KIRREL1: variants seen among roughly 807,000 people sequenced by gnomAD.
The protein encoded by KIRREL1 is kirre like nephrin family adhesion molecule 1.
Under a neutral mutation model 83.3 loss-of-function variants are expected in KIRREL1, and 25 were observed. That is an observed-to-expected ratio of 0.30 (90% CI 0.22 to 0.42). The LOEUF (loss-of-function observed/expected upper bound fraction) is 0.42. Among genes scored for constraint, KIRREL1 ranks in the 10% least tolerant of loss-of-function variants. The probability of loss-of-function intolerance (pLI) is 1.00; values close to 1 mark genes in which losing one functional copy is unlikely to be tolerated. For missense variants in KIRREL1, 812 were observed against 1,032.3 expected (o/e 0.79, Z 2.92); for synonymous variants, 388 against 410.4 (o/e 0.95, Z 0.66).
chr1:158,006,942 C>A (rs1464406113), intron 1 of KIRREL1, among the ~76,000 whole-genome samples: 1 of 152,180 alleles, frequency 6.6e-6, no homozygotes, highest in African/African-American at 2.4e-5. Flanking sequence ...GTCCTTGTCC[C>A]GCCTTGCCAG....
At chr1:158,061,453 GA>G (rs1333273293) in intron 1 of KIRREL1, among the ~76,000 whole-genome samples, 1 of 152,216 alleles carries the variant, frequency 6.6e-6, no homozygotes, top group East Asian at 1.9e-4. Context: ...CTCAGAGATG[GA>G]GTGAAAGAGT....
Position 158,084,433 on chromosome 1 carries a change from G to C in KIRREL1, c.364G>C (p.Asp122His), listed in dbSNP as rs1661959441. The change falls in exon 4 of 15, where the codon GAC (aspartate) becomes CAC (histidine). Residue 122 changes from aspartate to histidine, a missense_variant. By Grantham distance (81) the Asp-to-His change is moderately conservative (BLOSUM62 -1). Around this residue, in one of 3 missense-constraint regions of KIRREL1, gnomAD observed 472 missense variants for 626.8 expected, o/e 0.75. Coordinates refer to ENST00000359209, the MANE Select transcript of KIRREL1 (RefSeq NM_018240.7). ...GCTTTCTCCCACAGTCCCCCCAGAG[G>C]ACACCAGGATTGACGGAGGCCCTGT... ...AKLTVLIPPE[D>H]TRIDGGPVIL... 13 of 1,551,754 alleles carry C rather than the reference G, an allele frequency of 8.4e-6. No homozygotes were observed. Among genetic ancestry groups the C allele is most frequent in the African/African-American group, 1.4e-5 (1 of 73,162 alleles).
At chr1:158,082,384 T>A (rs891903942) in intron 3 of KIRREL1, among the ~76,000 whole-genome samples, 1 of 151,636 alleles carries the variant, frequency 6.6e-6, no homozygotes, top group Non-Finnish European at 1.5e-5. Flanking sequence ...TAAACAAAGG[T>A]GCCAGGATTT....
chr1:158,076,228 C>T lies in KIRREL1; in HGVS notation c.168C>T (p.Asp56=), dbSNP rs780542461. Residue 56 remains aspartate (D), a synonymous_variant, in exon 2 of 15, where the codon GAC becomes GAT. Transcript: ENST00000359209. Reference sequence around the variant, plus strand: ...CTGGAATTGTGCAATGGACCAAGGACGGGCTGGCCCTGGGCATGGGCCAGG... The same window carrying T: ...CTGGAATTGTGCAATGGACCAAGGATGGGCTGGCCCTGGGCATGGGCCAGG... ...NYSGIVQWTK[D]GLALGMGQGL... The T allele has an allele frequency of 3.8e-5, 62 of 1,614,026 alleles. No individual in the cohort carries two copies. The highest frequency in any genetic ancestry group is 4.9e-5 in the Non-Finnish European group (58 of 1,180,004).
intron 1 of KIRREL1, among the ~76,000 whole-genome samples, chr1:158,050,080 G>T (rs1294738481): frequency 1.3e-5 from 2 of 152,148 alleles, no homozygotes; most frequent in African/African-American, 4.8e-5. Flanking sequence ...TGGAAGTGGA[G>T]ACTGGAGGAG....
intron 1 of KIRREL1, among the ~76,000 whole-genome samples, chr1:158,027,689 G>C (rs1255125859): frequency 6.6e-6 from 1 of 152,210 alleles, no homozygotes. Flanking sequence ...TATCACAAAA[G>C]TCTTTCTCAG....
At chr1:158,084,161 G>A (rs1432294270) in intron 3 of KIRREL1, among the ~76,000 whole-genome samples, 1 of 152,078 alleles carries the variant, frequency 6.6e-6, no homozygotes, top group African/African-American at 2.4e-5. Flanking sequence ...CAATAAACCA[G>A]TAGGGGCATG....
intron 1 of KIRREL1, among the ~76,000 whole-genome samples, chr1:158,023,181 T>C (rs1557992377): frequency 6.6e-6 from 1 of 152,068 alleles, no homozygotes. Flanking sequence ...CCATTTTCCT[T>C]TGGGAGTGGT....
At chr1:158,091,665 T>C (rs567396569) in intron 11 of KIRREL1, 109 bp downstream of exon 11, 15 of 1,060,890 alleles carry the variant, frequency 1.4e-5, no homozygotes, top group South Asian at 4.4e-5. Context: ...TGGGCTCTGC[T>C]CTGAGGGAGG....
chr1:158,099,443 G>A lies in KIRREL1; in HGVS notation c.*4323G>A, dbSNP rs1167816201. The A allele has an allele frequency of 2.0e-5, 3 of 152,164 alleles. No individual in the cohort carries two copies. The allele number at this position is 152,164 out of a possible 1,614,324, so 9.4% of individuals were successfully genotyped here. A position where few individuals can be genotyped will look rare whatever the true frequency, so the allele number is the denominator to read the frequency against. ...TCATCTTTGTCAGCGTGGTCCTGACGTTCACCTCTGGGCTGCTGGAGAGGA... is the reference window on the plus strand; with the variant it reads ...TCATCTTTGTCAGCGTGGTCCTGACATTCACCTCTGGGCTGCTGGAGAGGA... On this transcript the variant is annotated 3_prime_UTR_variant, in exon 15 of 15. Coordinates refer to ENST00000359209, the MANE Select transcript of KIRREL1 (RefSeq NM_018240.7).
intron 2 of KIRREL1, among the ~76,000 whole-genome samples, chr1:158,077,354 GA>G: frequency 6.6e-6 from 1 of 152,334 alleles, no homozygotes; most frequent in South Asian, 2.1e-4. Flanking sequence ...CCTCTGGACA[GA>G]GGGAGATCAT....
At chr1:158,062,114 C>T (rs1009613055) in intron 1 of KIRREL1, among the ~76,000 whole-genome samples, 20 of 152,254 alleles carry the variant, frequency 1.3e-4, no homozygotes, top group Admixed American at 6.5e-4. Context: ...TCATGTCCCC[C>T]ACCAATATCC....
At chr1:158,078,848 C>T (rs1177639130) in intron 3 of KIRREL1, among the ~76,000 whole-genome samples, 1 of 152,176 alleles carries the variant, frequency 6.6e-6, no homozygotes, top group Admixed American at 6.5e-5. Flanking sequence ...GGGGACCGAG[C>T]AGATGTCCCT....
chr1:158,087,807 G>A lies in KIRREL1; in HGVS notation c.714G>A (p.Glu238=). ...SIEPQTVQEG[E]RVVFTCQATA... is the part of the protein sequence containing the mutation. ...AGCCACAGACGGTGCAGGAGGGTGAGCGTGTTGTCTTTACCTGCCAGGCCA... is the reference window on the plus strand; with the variant it reads ...AGCCACAGACGGTGCAGGAGGGTGAACGTGTTGTCTTTACCTGCCAGGCCA... Residue 238 remains glutamate, a synonymous_variant, in exon 6 of 15, where the codon GAG becomes GAA. Coordinates refer to ENST00000359209, the MANE Select transcript of KIRREL1 (RefSeq NM_018240.7). 6.2e-7 allele frequency: 1 copy of A among 1,614,138 alleles called. No individual in the cohort carries two copies. The highest frequency in any genetic ancestry group is 8.5e-7 in the Non-Finnish European group (1 of 1,180,014).
chr1:158,087,727 C>A (rs1405206084), intron 5 of KIRREL1, 28 bp from the exon 6 acceptor site: 5 of 1,547,414 alleles, frequency 3.2e-6, no homozygotes, highest in Middle Eastern at 3.4e-4. Flanking sequence ...ACAGAAAAGA[C>A]CCTGACTCCC....
chr1:158,037,764 T>C (rs1306846850), intron 1 of KIRREL1, among the ~76,000 whole-genome samples: 1 of 152,184 alleles, frequency 6.6e-6, no homozygotes, highest in Non-Finnish European at 1.5e-5. Context: ...TCTTGCAGCC[T>C]CACTTTGGGG....
At chr1:158,000,139 G>A (rs1428941884) in intron 1 of KIRREL1, among the ~76,000 whole-genome samples, 2 of 152,170 alleles carry the variant, frequency 1.3e-5, no homozygotes, top group East Asian at 1.9e-4. Flanking sequence ...GCATGCAAGC[G>A]TGTGGATGCA....
intron 1 of KIRREL1, among the ~76,000 whole-genome samples, chr1:158,000,093 G>A (rs1469376074): frequency 6.6e-6 from 1 of 152,040 alleles, no homozygotes; most frequent in African/African-American, 2.4e-5. Context: ...ATTCCTAGAA[G>A]GAAGACTGCA....
At chr1:158,063,742 C>T (rs974971558) in intron 1 of KIRREL1, among the ~76,000 whole-genome samples, 1 of 152,220 alleles carries the variant, frequency 6.6e-6, no homozygotes, top group Non-Finnish European at 1.5e-5. Context: ...TCTCCCTTCT[C>T]TCTCTGCTTA....
Sources: allele counts gnomAD v4.1 joint callset (sites outside exome capture counted in the v4.1 genomes callset), GRCh38; gene constraint gnomAD v4.1.1; regional missense constraint gnomAD v4.1.1; transcripts MANE v1.5; gene names NCBI Gene and HGNC (gene_info 2026-07-23, HGNC 2026-07-21).